The following WDFY3 variants were observed in gnomAD, a reference collection of about 807,000 sequenced individuals.
WDFY3 encodes WD repeat and FYVE domain-containing protein 3.
A neutral mutation model predicts 409.6 loss-of-function variants in WDFY3; 66 were observed. The observed-to-expected ratio is 0.16, with a 90% CI of 0.13 to 0.20. The LOEUF (loss-of-function observed/expected upper bound fraction) is 0.20. Ranked by LOEUF, WDFY3 falls within the 10% of genes least tolerant of loss-of-function variation. The pLI is 1.00. For missense variants in WDFY3, 3,031 were observed against 4,298.1 expected, an observed-to-expected ratio of 0.71 and a Z score of 8.24; for synonymous variants, 1,521 against 1,537.1, an observed-to-expected ratio of 0.99 and a Z score of 0.25.
At chr4:84,829,680 G>A (rs573511516) in intron 8 of WDFY3, among the ~76,000 whole-genome samples, 36 of 151,930 alleles carry the variant, frequency 2.4e-4, no homozygotes, top group African/African-American at 7.7e-4. Context: ...GGTGGCACGC[G>A]CCTGTAGTCC....
intron 13 of WDFY3, among the ~76,000 whole-genome samples, chr4:84,811,919 G>A (rs1396396621): frequency 2.0e-5 from 3 of 152,086 alleles, no homozygotes; most frequent in East Asian, 3.9e-4. Context: ...TAGCCTGAAG[G>A]TAATTTTATA....
rs1032442581 is a variant in WDFY3 at position 84,679,189 on chromosome 4, T to G, written c.9877A>C (p.Ile3293Leu). The change falls in exon 65 of 68, where the codon ATC becomes CTC. Residue 3293 changes from isoleucine to leucine, a missense_variant. Around this residue, in one of 16 missense-constraint regions of WDFY3, gnomAD observed 378 missense variants for 477.3 expected, o/e 0.79. Coordinates refer to ENST00000295888, the MANE Select transcript of WDFY3 (RefSeq NM_014991.6). ...GGAGTGTCCTTAGGGTCCTGGCTGATGCTCTGCTCATCTGCTTCTGAATCA... is the reference window on the plus strand; with the variant it reads ...GGAGTGTCCTTAGGGTCCTGGCTGAGGCTCTGCTCATCTGCTTCTGAATCA... ...SSDSEADEQS[I>L]SQDPKDTPSQ... 6.2e-7 allele frequency: 1 copy of G among 1,603,526 alleles called. No individual in the cohort carries two copies. Among genetic ancestry groups the G allele is most frequent in the Non-Finnish European group, 8.5e-7 (1 of 1,173,478 alleles).
intron 3 of WDFY3, among the ~76,000 whole-genome samples, chr4:84,890,200 G>A (rs908112281): frequency 3.3e-5 from 5 of 152,006 alleles, no homozygotes; most frequent in Non-Finnish European, 7.4e-5. Context: ...TCCAGACTCA[G>A]GCAATCCTCC....
At chr4:84,898,326 A>G (rs769683595) in intron 2 of WDFY3, among the ~76,000 whole-genome samples, 1 of 152,184 alleles carries the variant, frequency 6.6e-6, no homozygotes, top group Non-Finnish European at 1.5e-5. Context: ...GAGATGACCT[A>G]TGACTTTTAT....
chr4:84,868,248 T>C (rs1761703136), intron 3 of WDFY3, among the ~76,000 whole-genome samples: 1 of 151,068 alleles, frequency 6.6e-6, no homozygotes, highest in Admixed American at 6.6e-5. Context: ...TTCTTTCTTC[T>C]TCTTAATCTT....
intron 38 of WDFY3, 36 bp downstream of exon 38, chr4:84,741,725 A>C: frequency 6.5e-7 from 1 of 1,537,144 alleles, no homozygotes; most frequent in Non-Finnish European, 8.8e-7. Flanking sequence ...AAACAGGAAA[A>C]CATGTACTCT....
In WDFY3 at chr4:84,690,609, C is replaced by T. The variant is rs1397754824; in HGVS notation, c.9260G>A (p.Cys3087Tyr). 2 of 1,613,988 alleles carry T rather than the reference C, an allele frequency of 1.2e-6. No individual in the cohort carries two copies. The highest frequency in any genetic ancestry group is 3.3e-5 in the Admixed American group (2 of 60,000). The change falls in exon 61 of 68, where the codon TGC becomes TAC. Residue 3087 changes from cysteine to tyrosine, a missense_variant. Physicochemically the swap from Cys to Tyr is radical, Grantham distance 194. Coordinates refer to ENST00000295888, the MANE Select transcript of WDFY3 (RefSeq NM_014991.6). Reference sequence around the variant, plus strand: ...CGTGATGACCAGCTTGGGGTTGGGGCAGATTGCACAGAGAATCTGGCCCCA... The same window carrying T: ...CGTGATGACCAGCTTGGGGTTGGGGTAGATTGCACAGAGAATCTGGCCCCA... ...SEWGQILCAI[C>Y]PNPKLVITGG...
At chr4:84,678,114 G>A in intron 66 of WDFY3, 54 bp downstream of exon 66, 2 of 1,396,398 alleles carry the variant, frequency 1.4e-6, no homozygotes, top group East Asian at 2.3e-5. Context: ...TGTGGCCCTT[G>A]GCTAACCAAA....
chr4:84,710,832 G>C (rs369136356), intron 51 of WDFY3, among the ~76,000 whole-genome samples: 12 of 152,024 alleles, frequency 7.9e-5, no homozygotes, highest in East Asian at 5.8e-4. Flanking sequence ...GTAGAAAAAA[G>C]GCTCATTATG....
At chr4:84,827,611 A>G (rs929285315) in intron 9 of WDFY3, among the ~76,000 whole-genome samples, 4 of 152,202 alleles carry the variant, frequency 2.6e-5, no homozygotes, top group African/African-American at 9.6e-5. Flanking sequence ...AAATGAAATT[A>G]TTGTATCAGA....
At chr4:84,919,998 T>C (rs928580387) in intron 2 of WDFY3, among the ~76,000 whole-genome samples, 14 of 152,162 alleles carry the variant, frequency 9.2e-5, no homozygotes, top group African/African-American at 3.4e-4. Flanking sequence ...TCCAGGAATG[T>C]ATAACCTAAA....
intron 15 of WDFY3, chr4:84,804,038 A>G (rs1751100771): frequency 6.6e-6 from 1 of 152,210 alleles, no homozygotes; most frequent in African/African-American, 2.4e-5. Context: ...AACTACTTTC[A>G]TCTTCTGCAT....
chr4:84,885,345 TG>T (rs1764068167), intron 3 of WDFY3, among the ~76,000 whole-genome samples: 1 of 151,244 alleles, frequency 6.6e-6, no homozygotes, highest in Non-Finnish European at 1.5e-5. Flanking sequence ...TGTGTGTGTG[TG>T]TGTGTGTGTG....
At chr4:84,702,150 G>A (rs1010093780) in intron 56 of WDFY3, among the ~76,000 whole-genome samples, 1 of 152,122 alleles carries the variant, frequency 6.6e-6, no homozygotes, top group East Asian at 1.9e-4. Context: ...TGGGATTACA[G>A]GTGCCCACCA....
intron 1 of WDFY3, among the ~76,000 whole-genome samples, chr4:84,942,873 ATTT>A (rs943004370): frequency 6.6e-6 from 1 of 150,856 alleles, no homozygotes. Flanking sequence ...TAACCTTTTT[ATTT>A]TTTTTTAAAT....
intron 58 of WDFY3, 57 bp from the exon 59 acceptor site, chr4:84,693,089 T>C (rs1462454222): frequency 1.0e-5 from 16 of 1,528,612 alleles, no homozygotes; most frequent in Non-Finnish European, 9.8e-6. Flanking sequence ...ATAAGCCCTT[T>C]TATATGCCAG....
intron 1 of WDFY3, among the ~76,000 whole-genome samples, chr4:84,938,556 T>C (rs1003240755): frequency 2.0e-5 from 3 of 152,144 alleles, no homozygotes; most frequent in Non-Finnish European, 4.4e-5. Flanking sequence ...AGGAAAATAT[T>C]ACAAAAATGT....
intron 3 of WDFY3, among the ~76,000 whole-genome samples, chr4:84,872,032 A>C (rs1578911706): frequency 1.3e-5 from 2 of 152,210 alleles, no homozygotes; most frequent in East Asian, 3.9e-4. Flanking sequence ...GATAAATGGG[A>C]GCAATATCAC....
intron 10 of WDFY3, among the ~76,000 whole-genome samples, chr4:84,824,732 T>G (rs1169496702): frequency 6.6e-6 from 1 of 152,180 alleles, no homozygotes; most frequent in Admixed American, 6.5e-5. Flanking sequence ...TGAGTAGATT[T>G]AATGTACACA....
Sources: allele counts gnomAD v4.1 joint callset (sites outside exome capture counted in the v4.1 genomes callset), GRCh38; gene constraint gnomAD v4.1.1; regional missense constraint gnomAD v4.1.1; transcripts MANE v1.5; gene names NCBI Gene and HGNC (gene_info 2026-07-23, HGNC 2026-07-21).